DLGAP2: variants seen among roughly 807,000 people sequenced by gnomAD.
DLGAP2 encodes the protein DLG associated protein 2, also known as disks large-associated protein 2.
In DLGAP2, 26 loss-of-function variants were observed where a neutral mutation model predicts 100.3. That is an observed-to-expected ratio of 0.26 (90% CI 0.19 to 0.36). DLGAP2 has a LOEUF of 0.36. DLGAP2 is among the 10% of genes least tolerant of loss of function. The pLI, the probability that DLGAP2 is intolerant of heterozygous loss-of-function variation, is 1.00. For synonymous variants in DLGAP2, 886 were observed against 630.1 expected (o/e 1.41, Z -6.08); for missense variants, 1,858 against 1,453.2 (o/e 1.28, Z -4.53).
intron 3 of DLGAP2, among the ~76,000 whole-genome samples, chr8:1,373,437 C>T (rs900085176): frequency 7.2e-5 from 11 of 152,108 alleles, no homozygotes; most frequent in Non-Finnish European, 1.3e-4. Flanking sequence ...GACGGGGGGC[C>T]GGACAGAGAG....
Position 1,478,058 on chromosome 8 carries a change from A to G in DLGAP2, c.107-23308A>G, listed in dbSNP as rs556147612. On this transcript the variant is annotated intron_variant, in intron 3 of 14. Transcript: ENST00000637795. ...TACGTAAGGGGTAAATGTGACCTTC[A>G]GAAATCACAGCATTTCTTTTCCCCA... Among the ~76,000 whole-genome samples, 54 of 152,334 alleles carry G rather than the reference A, an allele frequency of 3.5e-4. 1 individual carries two copies. In the South Asian group the frequency reaches 0.01, roughly 29 times the overall value.
At chr8:878,604 G>A (rs1358677861) in intron 1 of DLGAP2, among the ~76,000 whole-genome samples, 1 of 152,100 alleles carries the variant, frequency 6.6e-6, no homozygotes, top group Non-Finnish European at 1.5e-5. Flanking sequence ...AACTCACTGA[G>A]GCTTGGTCCC....
chr8:1,610,242 A>T (rs1474683248), intron 6 of DLGAP2, among the ~76,000 whole-genome samples: 2 of 152,232 alleles, frequency 1.3e-5, no homozygotes, highest in Admixed American at 6.5e-5. Context: ...TCTCACTCAA[A>T]ACTGCTCAAC....
chr8:1,108,351 C>G (rs774190591), intron 2 of DLGAP2, among the ~76,000 whole-genome samples: 1 of 152,174 alleles, frequency 6.6e-6, no homozygotes, highest in African/African-American at 2.4e-5. Flanking sequence ...ATAGAACAAA[C>G]GAAACCCTGG....
intron 6 of DLGAP2, among the ~76,000 whole-genome samples, chr8:1,566,923 T>G (rs1414344672): frequency 2.0e-5 from 3 of 152,262 alleles, no homozygotes; most frequent in Non-Finnish European, 4.4e-5. Flanking sequence ...GGTGTAGGAA[T>G]GCCAGACAAG....
At chr8:1,050,133 C>G (rs931516447) in intron 2 of DLGAP2, among the ~76,000 whole-genome samples, 1 of 152,242 alleles carries the variant, frequency 6.6e-6, no homozygotes, top group East Asian at 1.9e-4. Context: ...GTCACAGCCA[C>G]GTGTGCCTAT....
chr8:1,685,668 A>G (rs997717732), intron 12 of DLGAP2, among the ~76,000 whole-genome samples: 2 of 152,186 alleles, frequency 1.3e-5, no homozygotes, highest in African/African-American at 2.4e-5. Flanking sequence ...AATGGGAGAA[A>G]ATGTCTGCAA....
chr8:1,276,684 G>A (rs1026423153), intron 3 of DLGAP2, among the ~76,000 whole-genome samples: 1 of 151,952 alleles, frequency 6.6e-6, no homozygotes, highest in Non-Finnish European at 1.5e-5. Context: ...CTGCTTGGAT[G>A]AGTAGAACAA....
intron 2 of DLGAP2, among the ~76,000 whole-genome samples, chr8:1,178,510 G>T (rs1260223520): frequency 6.6e-6 from 1 of 152,106 alleles, no homozygotes; most frequent in Non-Finnish European, 1.5e-5. Context: ...ATCAAGTAAC[G>T]TTGACAAACA....
chr8:1,630,291 C>A (rs988662990), intron 7 of DLGAP2, among the ~76,000 whole-genome samples: 3 of 152,174 alleles, frequency 2.0e-5, no homozygotes, highest in Admixed American at 6.5e-5. Context: ...GGCCACGAGA[C>A]CTGACAATTC....
intron 1 of DLGAP2, among the ~76,000 whole-genome samples, chr8:815,337 C>G (rs373257962): frequency 5.9e-4 from 90 of 152,252 alleles, no homozygotes; most frequent in African/African-American, 2.0e-3. Context: ...TCCCTCAAGC[C>G]TTTTTAGGAG....
chr8:833,814 T>C (rs1319706135), intron 1 of DLGAP2, among the ~76,000 whole-genome samples: 1 of 152,268 alleles, frequency 6.6e-6, no homozygotes, highest in East Asian at 1.9e-4. Flanking sequence ...ACAAAATTTC[T>C]GTATTTCCTG....
chr8:1,510,164 C>T (rs184282405), intron 4 of DLGAP2, among the ~76,000 whole-genome samples: 67 of 152,292 alleles, frequency 4.4e-4, no homozygotes, highest in African/African-American at 1.6e-3. Flanking sequence ...GAAAAGGAGT[C>T]GGAATTTGTC....
intron 2 of DLGAP2, among the ~76,000 whole-genome samples, chr8:1,020,930 C>T (rs1801607287): frequency 1.3e-5 from 2 of 152,174 alleles, no homozygotes; most frequent in Non-Finnish European, 2.9e-5. Context: ...TCATCTAGGT[C>T]TTAAGAGCAG....
intron 2 of DLGAP2, among the ~76,000 whole-genome samples, chr8:908,463 A>G (rs1339677491): frequency 6.6e-6 from 1 of 152,160 alleles, no homozygotes; most frequent in Non-Finnish European, 1.5e-5. Flanking sequence ...AATGTTTTGA[A>G]GTGGGAGATG....
chr8:1,245,914 C>T (rs1283627474), intron 2 of DLGAP2, among the ~76,000 whole-genome samples: 1 of 152,120 alleles, frequency 6.6e-6, no homozygotes, highest in Non-Finnish European at 1.5e-5. Flanking sequence ...GTATGACCGC[C>T]GTGGGGAGGA....
Position 1,661,724 on chromosome 8 carries a change from C to A in DLGAP2, c.1811-6605C>A, listed in dbSNP as rs117222872. Among the ~76,000 whole-genome samples, 965 of 152,184 alleles carry A rather than the reference C, an allele frequency of 6.3e-3. 4 individuals carry two copies. The highest frequency in any genetic ancestry group is 9.1e-3 in the Non-Finnish European group (616 of 67,990). ...GAGCTCCATGATGCTATCTGGGAGG[C>A]CTGATGGCTGCTGTCCTTAGAAAGG... On this transcript the variant is annotated intron_variant, in intron 8 of 14. Transcript: ENST00000637795.
At chr8:1,373,679 C>T (rs1802310634) in intron 3 of DLGAP2, 1 of 152,258 alleles carries the variant, frequency 6.6e-6, no homozygotes. Flanking sequence ...CTTCCACATC[C>T]ATGGGGCGTC....
chr8:880,971 C>G (rs1470786131), intron 1 of DLGAP2, among the ~76,000 whole-genome samples: 3 of 152,216 alleles, frequency 2.0e-5, no homozygotes, highest in Admixed American at 6.5e-5. Context: ...AACTTTCTAT[C>G]TCCAGGACTT....
Sources: gnomAD v4.1 joint callset for allele counts (sites outside exome capture counted in the v4.1 genomes callset) on GRCh38, gnomAD v4.1.1 for gene constraint, MANE v1.5 for transcripts, NCBI Gene and HGNC (gene_info 2026-07-23, HGNC 2026-07-21) for gene names.